The following HK3 variants were observed in gnomAD, a reference collection of about 807,000 sequenced individuals.
HK3 encodes the protein hexokinase 3, also known as hexokinase-3.
In HK3, 93 loss-of-function variants were observed where a neutral mutation model predicts 91.0. The ratio of observed to expected loss-of-function variants is 1.02; its 90% CI spans 0.86 to 1.21. The LOEUF (loss-of-function observed/expected upper bound fraction) is 1.21, where lower values mean the gene tolerates loss of function less well. HK3 is among the 50% of genes most tolerant of loss of function. The pLI, the probability that HK3 is intolerant of heterozygous loss-of-function variation, is 0.00. For synonymous variants in HK3, 519 were observed against 516.9 expected (o/e 1.00, Z -0.06); for missense variants, 1,235 against 1,247.4 (o/e 0.99, Z 0.15).
chr5:176,883,874 A>G lies in HK3; in HGVS notation c.1954-5T>C. 6.2e-7 allele frequency: 1 copy of G among 1,613,828 alleles called. No homozygotes were observed. Among genetic ancestry groups the G allele is most frequent in the Non-Finnish European group, 8.5e-7 (1 of 1,179,804 alleles). ...AACCACATTCAGCTCCACTGCCTGC[A>G]CACAAAAGGATGCTGCTAGTTGCTG... On this transcript the variant is annotated splice_region_variant and splice_polypyrimidine_tract_variant and intron_variant, in intron 14 of 18. Coordinates refer to ENST00000292432, the MANE Select transcript of HK3 (RefSeq NM_002115.3).
intron 5 of HK3, 28 bp downstream of exon 5, chr5:176,890,794 C>T (rs779420348): frequency 2.5e-6 from 4 of 1,614,068 alleles, no homozygotes; most frequent in Middle Eastern, 3.3e-4. Context: ...CACCCTCTAC[C>T]CAGCGTCCCA....
chr5:176,886,951 TATGTGG>T, intron 13 of HK3, 45 bp downstream of exon 13: 1 of 1,603,784 alleles, frequency 6.2e-7, no homozygotes, highest in Non-Finnish European at 8.5e-7. Flanking sequence ...CCATGAAGGG[TATGTGG>T]GGGCAGGAGG....
chr5:176,889,454 C>T lies in HK3; in HGVS notation c.841G>A (p.Gly281Arg), dbSNP rs35610191. The T allele has an allele frequency of 0.035, 56,147 of 1,614,150 alleles. 1,097 individuals carry two copies. The highest frequency in any genetic ancestry group is 0.042 in the Non-Finnish European group (49,645 of 1,179,988). Residue 281 changes from glycine (G) to arginine (R), a missense_variant, in exon 8 of 19, where the codon GGG (glycine) becomes AGG (arginine). Transcript: ENST00000292432. ...SVEWGSFSDD[G>R]ALGPVLTTFD... ...GTGGTCAGCACTGGTCCCAGCGCCCCATCATCGCTGAAGGAGCCCCACTCG... is the reference window on the plus strand; with the variant it reads ...GTGGTCAGCACTGGTCCCAGCGCCCTATCATCGCTGAAGGAGCCCCACTCG...
At chr5:176,882,760 C>T (rs545516858) in intron 15 of HK3, among the ~76,000 whole-genome samples, 24 of 152,300 alleles carry the variant, frequency 1.6e-4, no homozygotes, top group African/African-American at 3.6e-4. Flanking sequence ...AGGCAGAGGA[C>T]GCACCCTGGA....
Position 176,881,495 on chromosome 5 carries a change from C to T in HK3, c.2434G>A (p.Asp812Asn), listed in dbSNP as rs1171894965. 3.1e-6 allele frequency: 5 copies of T among 1,606,614 alleles called. No individual in the cohort carries two copies. Among genetic ancestry groups the T allele is most frequent in the South Asian group, 1.1e-5 (1 of 91,064 alleles). Residue 812 changes from aspartate (D) to asparagine (N), a missense_variant, in exon 18 of 19, where the codon GAT becomes AAT. This residue lies in a region of HK3 where 513 missense variants were observed against 477.4 expected (regional missense o/e 1.07). Coordinates refer to ENST00000292432, the MANE Select transcript of HK3 (RefSeq NM_002115.3). ...TCTGAGGTCAGGGGTAGCCCCAGAT[C>T]CTCTAGGATGGCTCGGACCTGCCGC... ...ALRQVRAILE[D>N]LGLPLTSDDA...
chr5:176,885,495 C>A (rs1161153479), intron 13 of HK3, among the ~76,000 whole-genome samples: 1 of 152,114 alleles, frequency 6.6e-6, no homozygotes, highest in Non-Finnish European at 1.5e-5. Flanking sequence ...AATCTCAGCT[C>A]ACTGCAACCT....
In HK3 at chr5:176,887,219, G is replaced by A; in HGVS notation, c.1719C>T (p.Ala573=). Residue 573 remains alanine (A), a synonymous_variant, in exon 12 of 19, where the codon GCC becomes GCT. Coordinates refer to ENST00000292432, the MANE Select transcript of HK3 (RefSeq NM_002115.3). The surrounding 1 kb of genome is among the most constrained non-coding windows in gnomAD (Gnocchi z 4.9). ...SEIYSIPETV[A]QGSGQQLFDH... ...TGGGTACCTGCTGCCCAGAACCCTG[G>A]GCCACAGTCTCGGGAATGGAGTAGA... The A allele has an allele frequency of 6.2e-7, 1 of 1,614,148 alleles. No homozygotes were observed.
At position 176,889,494 on chromosome 5, in the gene HK3, G is replaced by A. The variant is rs746916919; in HGVS notation, c.801C>T (p.Arg267=). 4.3e-6 allele frequency: 7 copies of A among 1,614,042 alleles called. No homozygotes were observed. Among genetic ancestry groups the A allele is most frequent in the South Asian group, 3.3e-5 (3 of 91,088 alleles). Residue 267 remains arginine, a synonymous_variant, in exon 8 of 19, where the codon CGC becomes CGT. Transcript: ENST00000292432. ...AGCCCCACTCGACGCTGACGCAGAC[G>A]CGGCCCCGGTCTTCGTCCAGCACTG... ...HVAVLDEDRG[R]VCVSVEWGSF...
chr5:176,884,262 T>C lies in HK3; in HGVS notation c.1858-128A>G. Reference sequence around the variant, plus strand: ...TCCCCAAGCACAATTCCTTGCCTACTTTGCTGTATGGTTGAAGGCCTTGCC... The same window carrying C: ...TCCCCAAGCACAATTCCTTGCCTACCTTGCTGTATGGTTGAAGGCCTTGCC... On this transcript the variant is annotated intron_variant, in intron 13 of 18. Coordinates refer to ENST00000292432, the MANE Select transcript of HK3 (RefSeq NM_002115.3). This position sits in a 1 kb window ranked among gnomAD's most constrained non-coding sequence, Gnocchi z 4.1. 1 of 796,340 alleles carries C rather than the reference T, an allele frequency of 1.3e-6. No homozygotes were observed. Among genetic ancestry groups the C allele is most frequent in the Non-Finnish European group, 2.1e-6 (1 of 468,970 alleles). 49.3% of individuals were successfully genotyped at this position (796,340 alleles called of 1,614,324 possible).
In HK3 at chr5:176,896,099, C is replaced by T. The variant is rs150706711; in HGVS notation, c.61G>A (p.Glu21Lys). 6.2e-7 allele frequency: 1 copy of T among 1,613,546 alleles called. No homozygotes were observed. Among genetic ancestry groups the T allele is most frequent in the Non-Finnish European group, 8.5e-7 (1 of 1,179,754 alleles). The part of the protein sequence containing the change: ...QGEETLSCSE[E>K]GLPGPSDSSE... ...CTGTCTGAGGGCCCGGGCAAGCCCT[C>T]CTCAGAGCAACTCAGGGTTTCTTCC... Residue 21 changes from glutamate (E) to lysine (K), a missense_variant, in exon 2 of 19, where the codon GAG (glutamate) becomes AAG (lysine). Coordinates refer to ENST00000292432, the MANE Select transcript of HK3 (RefSeq NM_002115.3).
rs1047172109 is a variant in HK3 at position 176,884,587 on chromosome 5, A to G, written c.1858-453T>C. 6.6e-6 allele frequency among the ~76,000 whole-genome samples: 1 copy of G among 152,250 alleles called. No homozygotes were observed. The highest frequency in any genetic ancestry group is 1.5e-5 in the Non-Finnish European group (1 of 68,050). On this transcript the variant is annotated intron_variant, in intron 13 of 18. Transcript: ENST00000292432. This position sits in a 1 kb window ranked among gnomAD's most constrained non-coding sequence, Gnocchi z 4.1. ...GAGGAAGGAATTCTCAGCTTCAGGG[A>G]TAGAGCCGTGTCAATGGGCGAGTCA...
chr5:176,893,833 C>T (rs1003401122), intron 2 of HK3, among the ~76,000 whole-genome samples: 1 of 152,188 alleles, frequency 6.6e-6, no homozygotes, highest in Non-Finnish European at 1.5e-5. Context: ...CCAGGAGAAG[C>T]TATCGGAGCC....
Position 176,884,059 on chromosome 5 carries a change from C to T in HK3, c.1933G>A (p.Glu645Lys). The T allele has an allele frequency of 1.2e-6, 2 of 1,614,146 alleles. No individual in the cohort carries two copies. Among genetic ancestry groups the T allele is most frequent in the Non-Finnish European group, 1.7e-6 (2 of 1,180,024 alleles). ...CCTACCTGTCTGCGAGTGATGGCTT[C>T]CCGCAACAGACTCACGACATCTTGG... ...EGQDVVSLLR[E>K]AITRRQAVEL... is the part of the protein sequence containing the mutation. The change falls in exon 14 of 19, where the codon GAA (glutamate) becomes AAA (lysine). Residue 645 changes from glutamate (E) to lysine (K), a missense_variant. Physicochemically the swap from Glu to Lys is moderately conservative, Grantham distance 56. This residue lies in a region of HK3 where 513 missense variants were observed against 477.4 expected (regional missense o/e 1.07). Transcript: ENST00000292432. This position sits in a 1 kb window ranked among gnomAD's most constrained non-coding sequence, Gnocchi z 4.1.
intron 1 of HK3, among the ~76,000 whole-genome samples, chr5:176,898,745 G>A (rs550837096): frequency 7.9e-4 from 121 of 152,284 alleles, no homozygotes; most frequent in African/African-American, 2.8e-3. Context: ...TAAGGGCCCC[G>A]TGGCTTCCCT....
At position 176,884,540 on chromosome 5, in the gene HK3, G is replaced by T. The variant is rs1349238216; in HGVS notation, c.1858-406C>A. ...GATGACAGCAGATCCCACCCTTTCA[G>T]AAAGAACTCCAAGTTACTCTAGAGG... On this transcript the variant is annotated intron_variant, in intron 13 of 18. Transcript: ENST00000292432. The surrounding 1 kb of genome is among the most constrained non-coding windows in gnomAD (Gnocchi z 4.1). Among the ~76,000 whole-genome samples, 2 of 152,164 alleles carry T rather than the reference G, an allele frequency of 1.3e-5. No homozygotes were observed. The highest frequency in any genetic ancestry group is 1.9e-4 in the East Asian group (1 of 5,202).
Position 176,888,717 on chromosome 5 carries a change from C to T in HK3, c.1062G>A (p.Glu354=). The T allele has an allele frequency of 1.2e-6, 2 of 1,614,242 alleles. No homozygotes were observed. Among genetic ancestry groups the T allele is most frequent in the Non-Finnish European group, 8.5e-7 (1 of 1,180,038 alleles). Residue 354 remains glutamate (E), a synonymous_variant, in exon 9 of 19, where the codon GAG becomes GAA. Transcript: ENST00000292432. ...QGSILLEHVA[E]MEDPSTGAAR... is the part of the protein sequence containing the mutation. ...CCATCTCCCCGACTCACTCCTCCAT[C>T]TCAGCCACGTGTTCCAGGAGGATGC...
intron 6 of HK3, among the ~76,000 whole-genome samples, chr5:176,890,075 A>AT (rs1326421736): frequency 1.3e-5 from 2 of 152,010 alleles, no homozygotes; most frequent in Non-Finnish European, 2.9e-5. Flanking sequence ...CCTCACTGTC[A>AT]TCCTGCCTGG....
rs764116714 is a variant in HK3 at position 176,887,010 on chromosome 5, G to A, written c.1849C>T (p.Leu617=). Residue 617 remains leucine (L), a synonymous_variant, in exon 13 of 19, where the codon CTA becomes TTA. Transcript: ENST00000292432. The surrounding 1 kb of genome is among the most constrained non-coding windows in gnomAD (Gnocchi z 4.9). ...TCTTGGCCCTCCCTCACCTGGTCTA[G>A]GCCAAGCTGCCTACATGGGAAGGAG... ...TFSFPCRQLG[L]DQGILLNWTK... 3 of 1,613,948 alleles carry A rather than the reference G, an allele frequency of 1.9e-6. No homozygotes were observed. The highest frequency in any genetic ancestry group is 2.5e-6 in the Non-Finnish European group (3 of 1,180,020).
intron 1 of HK3, among the ~76,000 whole-genome samples, chr5:176,898,287 T>C (rs1758955482): frequency 6.6e-6 from 1 of 152,210 alleles, no homozygotes; most frequent in Non-Finnish European, 1.5e-5. Context: ...CTTTCCAAAA[T>C]TGGAAGCAAG....
Sources: gnomAD v4.1 joint callset for allele counts (sites outside exome capture counted in the v4.1 genomes callset) on GRCh38, gnomAD v4.1.1 for gene constraint, gnomAD v4.1.1 regional missense constraint, Gnocchi (gnomAD v3.1) non-coding constraint, MANE v1.5 for transcripts, NCBI Gene and HGNC (gene_info 2026-07-23, HGNC 2026-07-21) for gene names.